The following TCF4 variants were observed in gnomAD, a reference collection of about 807,000 sequenced individuals.
TCF4 encodes the protein transcription factor 4.
In TCF4, 3 loss-of-function variants were observed where a neutral mutation model predicts 82.1. The ratio of observed to expected loss-of-function variants is 0.04; its 90% CI spans 0.02 to 0.09. TCF4 has a LOEUF of 0.09. Among genes scored for constraint, TCF4 ranks in the 10% least tolerant of loss-of-function variants. The pLI is 1.00. For synonymous variants in TCF4, 276 were observed against 309.6 expected, an observed-to-expected ratio of 0.89 and a Z score of 1.14; for missense variants, 518 against 852.7, an observed-to-expected ratio of 0.61 and a Z score of 4.89.
intron 3 of TCF4, among the ~76,000 whole-genome samples, chr18:55,573,696 T>G (rs1326586269): frequency 1.3e-5 from 2 of 152,192 alleles, no homozygotes; most frequent in East Asian, 3.9e-4. Flanking sequence ...TCTGAGCCCT[T>G]CCTGACTGCT....
chr18:55,470,832 C>T (rs1025002916), intron 3 of TCF4, among the ~76,000 whole-genome samples: 35 of 152,226 alleles, frequency 2.3e-4, no homozygotes, highest in African/African-American at 7.5e-4. Context: ...ATTCAGAATG[C>T]GTTCAGAGAT....
intron 2 of TCF4, among the ~76,000 whole-genome samples, chr18:55,606,875 G>T (rs1310641438): frequency 6.6e-6 from 1 of 152,060 alleles, no homozygotes; most frequent in Admixed American, 6.6e-5. Flanking sequence ...TACTCCCATG[G>T]CTAGGAAAGT....
chr18:55,470,125 A>G (rs1487343950), intron 3 of TCF4, among the ~76,000 whole-genome samples: 1 of 152,242 alleles, frequency 6.6e-6, no homozygotes, highest in Non-Finnish European at 1.5e-5. Context: ...AGGGGATGAT[A>G]GTATTTGCAA....
chr18:55,308,989 G>A (rs1399269571), intron 8 of TCF4, among the ~76,000 whole-genome samples: 7 of 152,164 alleles, frequency 4.6e-5, no homozygotes, highest in Non-Finnish European at 8.8e-5. Flanking sequence ...TAATACAGTA[G>A]CCACTGATCA....
intron 6 of TCF4, among the ~76,000 whole-genome samples, chr18:55,370,815 A>C (rs187176905): frequency 4.4e-4 from 67 of 152,356 alleles, no homozygotes; most frequent in Non-Finnish European, 8.4e-4. Context: ...ATATTAACTA[A>C]GAGCCAGTTA....
chr18:55,567,485 G>A (rs1348446006), intron 3 of TCF4, among the ~76,000 whole-genome samples: 2 of 152,096 alleles, frequency 1.3e-5, no homozygotes, highest in Non-Finnish European at 2.9e-5. Context: ...AACAGAGGTG[G>A]GTGGATCACT....
chr18:55,514,038 C>T (rs1362608094), intron 3 of TCF4, among the ~76,000 whole-genome samples: 1 of 152,078 alleles, frequency 6.6e-6, no homozygotes, highest in Non-Finnish European at 1.5e-5. Context: ...TCTTGATTTG[C>T]TTTGCATGTA....
chr18:55,401,963 C>T (rs770118726), intron 6 of TCF4: 6 of 932,378 alleles, frequency 6.4e-6, no homozygotes, highest in Non-Finnish European at 6.4e-6. Context: ...CACAGGAACA[C>T]GGTCTTCTGC....
intron 3 of TCF4, among the ~76,000 whole-genome samples, chr18:55,548,815 A>T (rs1568371902): frequency 1.3e-5 from 2 of 152,236 alleles, no homozygotes; most frequent in Admixed American, 1.3e-4. Context: ...TTTAAAATAT[A>T]GTATAAAAGA....
chr18:55,611,915 C>T (rs1277673938), intron 2 of TCF4, among the ~76,000 whole-genome samples: 1 of 152,084 alleles, frequency 6.6e-6, no homozygotes, highest in Non-Finnish European at 1.5e-5. Flanking sequence ...AATACAGGCA[C>T]TCGTCACCAT....
At chr18:55,548,651 G>A (rs963873647) in intron 3 of TCF4, among the ~76,000 whole-genome samples, 19 of 152,138 alleles carry the variant, frequency 1.2e-4, no homozygotes, top group Admixed American at 3.3e-4. Flanking sequence ...AAACCTAGAT[G>A]GTGTAGCCTG....
intron 8 of TCF4, among the ~76,000 whole-genome samples, chr18:55,311,779 T>G (rs925720289): frequency 6.6e-6 from 1 of 152,230 alleles, no homozygotes; most frequent in Non-Finnish European, 1.5e-5. Flanking sequence ...ATTTTATCAT[T>G]TTCAACTAAA....
At chr18:55,310,894 T>C (rs1427351501) in intron 8 of TCF4, among the ~76,000 whole-genome samples, 1 of 152,200 alleles carries the variant, frequency 6.6e-6, no homozygotes, top group Non-Finnish European at 1.5e-5. Flanking sequence ...AACCAATAGT[T>C]ACACTGATAG....
intron 3 of TCF4, among the ~76,000 whole-genome samples, chr18:55,485,588 A>G (rs1348587427): frequency 6.6e-6 from 1 of 152,198 alleles, no homozygotes; most frequent in Non-Finnish European, 1.5e-5. Flanking sequence ...TGGCCCTCAC[A>G]TGAATAGAAT....
intron 8 of TCF4, among the ~76,000 whole-genome samples, chr18:55,330,597 C>G (rs546162058): frequency 6.6e-6 from 1 of 151,974 alleles, no homozygotes; most frequent in South Asian, 2.1e-4. Flanking sequence ...GACGGAGTCT[C>G]GCTCTGTCAC....
chr18:55,566,395 T>C (rs887239894), intron 3 of TCF4, among the ~76,000 whole-genome samples: 1 of 152,122 alleles, frequency 6.6e-6, no homozygotes, highest in African/African-American at 2.4e-5. Context: ...TCTATGCATG[T>C]CACGTTTTGT....
intron 6 of TCF4, among the ~76,000 whole-genome samples, chr18:55,366,171 T>C (rs548219326): frequency 6.6e-6 from 1 of 152,336 alleles, no homozygotes; most frequent in African/African-American, 2.4e-5. Context: ...TATTTGGCTT[T>C]TGTTTTTCTT....
At chr18:55,587,961 G>A (rs1192824417) in intron 1 of TCF4, 77 bp downstream of exon 1, 3 of 938,180 alleles carry the variant, frequency 3.2e-6, no homozygotes, top group Non-Finnish European at 3.8e-6. Context: ...GCGGAGCCGC[G>A]TGCGGGGCCG....
At chr18:55,489,806 C>T (rs1362143191) in intron 3 of TCF4, among the ~76,000 whole-genome samples, 1 of 152,156 alleles carries the variant, frequency 6.6e-6, no homozygotes, top group African/African-American at 2.4e-5. Flanking sequence ...TGTTCTTAAA[C>T]AACCTGAAAC....
Sources: gnomAD v4.1 joint callset for allele counts (sites outside exome capture counted in the v4.1 genomes callset) on GRCh38, gnomAD v4.1.1 for gene constraint, MANE v1.5 for transcripts, NCBI Gene and HGNC (gene_info 2026-07-23, HGNC 2026-07-21) for gene names.